The following CARS2 variants were observed in gnomAD, a reference collection of about 807,000 sequenced individuals.
CARS2 encodes the protein probable cysteine--tRNA ligase, mitochondrial.
A neutral mutation model predicts 68.8 loss-of-function variants in CARS2; 52 were observed. The ratio of observed to expected loss-of-function variants is 0.76; its 90% confidence interval spans 0.61 to 0.95. CARS2 has a LOEUF of 0.95. Ranked by LOEUF, CARS2 falls within the 40% of genes least tolerant of loss-of-function variation. CARS2 has a pLI of 0.00. For synonymous variants in CARS2, 314 were observed against 303.6 expected, an observed-to-expected ratio of 1.03 and a Z score of -0.36; for missense variants, 780 against 754.2, an observed-to-expected ratio of 1.03 and a Z score of -0.40.
At chr13:110,698,537 A>G (rs1388140813) in intron 3 of CARS2, among the ~76,000 whole-genome samples, 1 of 151,824 alleles carries the variant, frequency 6.6e-6, no homozygotes, top group Non-Finnish European at 1.5e-5. Context: ...AAAAAAATCC[A>G]GCAAGTTTTT....
intron 10 of CARS2, chr13:110,650,711 C>T: frequency 3.4e-6 from 1 of 295,510 alleles, no homozygotes; most frequent in East Asian, 7.3e-5. Flanking sequence ...GGGGCCGTGC[C>T]AGGCTGGCCC....
chr13:110,650,479 C>T (rs2062175301), intron 10 of CARS2: 1 of 152,454 alleles, frequency 6.6e-6, no homozygotes, highest in Admixed American at 6.5e-5. Context: ...ATCTGCCAGC[C>T]TCGGCCTCCC....
chr13:110,713,288 G>T (rs895974731), exon 1 of CARS2: 1 of 1,283,212 alleles, frequency 7.8e-7, no homozygotes, highest in Admixed American at 3.7e-5. Context: ...GCGAGTTGCG[G>T]TAGTTGCTGT....
rs1361363630 is a variant in CARS2 at position 110,665,838 on chromosome 13, G to A, written c.919+1502C>T. 2.0e-6 allele frequency: 2 copies of A among 985,386 alleles called. No individual in the cohort carries two copies. The highest frequency in any genetic ancestry group is 2.3e-4 in the East Asian group (2 of 8,816). The allele number at this position is 985,386 out of a possible 1,614,324, so 61.0% of individuals were successfully genotyped here. On this transcript the variant is annotated intron_variant, in intron 8 of 14. Transcript: ENST00000257347. This position sits in a 1 kb window ranked among gnomAD's most constrained non-coding sequence, Gnocchi z 4.3. ...CGGACCAGAAAACCGGAGCACTTCT[G>A]CATTTAATGTCACCTTACTGTGACA...
Position 110,662,217 on chromosome 13 carries a change from C to T in CARS2, c.987+1234G>A, listed in dbSNP as rs577301145. Among the ~76,000 whole-genome samples the T allele has an allele frequency of 9.2e-5, 9 of 97,704 alleles. No individual in the cohort carries two copies. In the East Asian group the frequency reaches 1.1e-3, roughly 12 times the overall value. The allele number at this position is 97,704 out of a possible 152,430, so 64.1% of individuals were successfully genotyped here. A position where few individuals can be genotyped will look rare whatever the true frequency, so the allele number is the denominator to read the frequency against. ...CATGGTCGGGTTCGGACCCCCTCTG[C>T]GTCATGCAACCCCACGGCCGGGTTC... On this transcript the variant is annotated intron_variant, in intron 9 of 14. Transcript: ENST00000257347.
chr13:110,712,420 C>T lies in CARS2; in HGVS notation n.399+717G>A, dbSNP rs532809877. 649 of 187,584 alleles carry T rather than the reference C, an allele frequency of 3.5e-3. 3 individuals carry two copies. Among genetic ancestry groups the T allele is most frequent in the African/African-American group, 0.015 (605 of 41,718 alleles). The allele number at this position is 187,584 out of a possible 1,614,324, so 11.6% of individuals were successfully genotyped here. On this transcript the variant is annotated intron_variant and non_coding_transcript_variant, in intron 1 of 2. Transcript: ENST00000485188. ...CCACCCCGGAGGGGACCCGCGGCGG[C>T]CGCAGCGGGGCGGAGGCCGAAGCCG...
At chr13:110,662,357 C>T (rs2062534075) in intron 9 of CARS2, among the ~76,000 whole-genome samples, 4 of 129,384 alleles carry the variant, frequency 3.1e-5, no homozygotes, top group Admixed American at 1.7e-4. Context: ...CATGGCCAGG[C>T]TCCGACCCCA....
At position 110,676,986 on chromosome 13, in the gene CARS2, GAGCACTCGATGTGCC is replaced by G. The variant is rs766142022; in HGVS notation, c.758_772del (p.Trp253_Cys257del). On this transcript the variant is annotated inframe_deletion, in exon 7 of 15. Coordinates refer to ENST00000257347, the MANE Select transcript of CARS2 (RefSeq NM_024537.4). The surrounding 1 kb of genome is among the most constrained non-coding windows in gnomAD (Gnocchi z 4.0). ...GCAGGCACCTTACCTAGCGATGGCA[GAGCACTCGATGTGCC>G]AGCCCGGCCTCCCGGGTCCCCAGGG... The G allele has an allele frequency of 6.3e-7, 1 of 1,583,636 alleles. No homozygotes were observed. The highest frequency in any genetic ancestry group is 1.3e-5 in the African/African-American group (1 of 74,134).
At chr13:110,649,141 G>C (rs547062143) in intron 10 of CARS2, 1 of 152,234 alleles carries the variant, frequency 6.6e-6, no homozygotes, top group African/African-American at 2.4e-5. Context: ...TTCATCACGC[G>C]TAAGTGCACA....
chr13:110,691,987 G>GGAA (rs1555299900), intron 3 of CARS2, among the ~76,000 whole-genome samples: 3 of 76,876 alleles, frequency 3.9e-5, no homozygotes, highest in East Asian at 3.7e-4. Flanking sequence ...AAGCTGTGCA[G>GGAA]AAAAAAAAAA....
chr13:110,666,855 A>C, intron 8 of CARS2: 11 of 985,432 alleles, frequency 1.1e-5, no homozygotes, highest in Non-Finnish European at 1.2e-5. Flanking sequence ...AGTGCATCCA[A>C]GTGAATTCCA....
chr13:110,650,887 ACT>A (rs2062190766), intron 10 of CARS2, 145 bp downstream of exon 10: 1 of 628,438 alleles, frequency 1.6e-6, no homozygotes, highest in South Asian at 1.9e-5. Flanking sequence ...CTCTGGGTTC[ACT>A]CTCAACCCGA....
At chr13:110,651,825 C>T (rs2062223481) in intron 9 of CARS2, among the ~76,000 whole-genome samples, 1 of 152,228 alleles carries the variant, frequency 6.6e-6, no homozygotes, top group Non-Finnish European at 1.5e-5. Context: ...CTCAGCAAAA[C>T]CTCCTGTGGG....
At chr13:110,679,589 AAGAAAGAAAG>A (rs1367514319) in intron 6 of CARS2, among the ~76,000 whole-genome samples, 45,550 of 82,524 alleles carry the variant, frequency 0.55, 11,810 homozygotes, top group Non-Finnish European at 0.65. Flanking sequence ...GAAAGAAAGA[AAGAAAGAAAG>A]AGAGAGAGAG....
At chr13:110,671,827 G>T (rs1242884551) in intron 7 of CARS2, among the ~76,000 whole-genome samples, 1 of 152,120 alleles carries the variant, frequency 6.6e-6, no homozygotes, top group Non-Finnish European at 1.5e-5. Context: ...CCCATCTCAC[G>T]TGCAGAGACA....
In CARS2 at chr13:110,700,576, C is replaced by T. The variant is rs527554672; in HGVS notation, c.393+862G>A. Reference sequence around the variant, plus strand: ...TCTTTGTACTATTCTTGTCATTTTTCTGTAGATCTCAAATCGCTTCAAATA... The same window carrying T: ...TCTTTGTACTATTCTTGTCATTTTTTTGTAGATCTCAAATCGCTTCAAATA... On this transcript the variant is annotated intron_variant, in intron 3 of 14. Coordinates refer to ENST00000257347, the MANE Select transcript of CARS2 (RefSeq NM_024537.4). Among the ~76,000 whole-genome samples, 430 of 152,236 alleles carry T rather than the reference C, an allele frequency of 2.8e-3. 15 individuals are homozygous for T. In the South Asian group the frequency reaches 0.087, roughly 31 times the overall value.
At chr13:110,654,732 A>G (rs1251507445) in intron 9 of CARS2, among the ~76,000 whole-genome samples, 1 of 151,928 alleles carries the variant, frequency 6.6e-6, no homozygotes, top group Non-Finnish European at 1.5e-5. Context: ...AGCCTGGGCA[A>G]CATAGTGAGA....
intron 3 of CARS2, among the ~76,000 whole-genome samples, chr13:110,689,936 A>G (rs1485305312): frequency 6.6e-6 from 1 of 152,174 alleles, no homozygotes; most frequent in Non-Finnish European, 1.5e-5. Context: ...GGGCCTAAAG[A>G]TCAGTGGGGT....
chr13:110,683,908 T>A (rs1287777835), intron 5 of CARS2, among the ~76,000 whole-genome samples: 1 of 152,184 alleles, frequency 6.6e-6, no homozygotes, highest in Non-Finnish European at 1.5e-5. Flanking sequence ...TGAGGCTGAG[T>A]GCCAAGGTCC....
Sources: allele counts gnomAD v4.1 joint callset (sites outside exome capture counted in the v4.1 genomes callset), GRCh38; gene constraint gnomAD v4.1.1; non-coding constraint Gnocchi (gnomAD v3.1); transcripts MANE v1.5; gene names NCBI Gene and HGNC (gene_info 2026-07-23, HGNC 2026-07-21).